The following APAF1 variants were observed in gnomAD, a reference collection of about 807,000 sequenced individuals.
The protein encoded by APAF1 is apoptotic protease-activating factor 1.
Under a neutral mutation model 152.4 loss-of-function variants are expected in APAF1, and 91 were observed. The observed-to-expected ratio is 0.60, with a 90% CI of 0.50 to 0.71. APAF1 has a LOEUF of 0.71. Among genes scored for constraint, APAF1 ranks in the 30% least tolerant of loss-of-function variants. The pLI is 0.00. For missense variants in APAF1, 1,283 were observed against 1,472.0 expected (o/e 0.87, Z 2.10); for synonymous variants, 484 against 494.1 (o/e 0.98, Z 0.27).
intron 25 of APAF1, among the ~76,000 whole-genome samples, 186 bp downstream of exon 25, chr12:98,725,726 TTTAGAG>T (rs2097749514): frequency 6.6e-6 from 1 of 152,320 alleles, no homozygotes; most frequent in South Asian, 2.1e-4. Flanking sequence ...ACGGATTCAT[TTTAGAG>T]TTAGAGTGAA....
intron 16 of APAF1, among the ~76,000 whole-genome samples, chr12:98,688,578 C>G (rs1373851008): frequency 1.3e-5 from 2 of 149,520 alleles, no homozygotes; most frequent in African/African-American, 4.9e-5. Context: ...TCAAGCAGTC[C>G]TCGTACTTCA....
At chr12:98,712,722 C>T in intron 21 of APAF1, 1 of 343,448 alleles carries the variant, frequency 2.9e-6, no homozygotes, top group Non-Finnish European at 5.4e-6. Flanking sequence ...CTGTGTTGCC[C>T]AGGCTGGTCT....
rs2097672115 is a variant in APAF1 at position 98,665,912 on chromosome 12, G to T, written c.1194+121G>T. On this transcript the variant is annotated intron_variant, in intron 8 of 26. Transcript: ENST00000551964. ...AGACCCAGGGGACTGAGGTGGTGGG[G>T]TGTTGGGTGTAGAAATCCCTCTGCT... 7 of 898,230 alleles carry T rather than the reference G, an allele frequency of 7.8e-6. No homozygotes were observed. The Admixed American group carries it at 9.6e-5, about 12-fold the overall frequency. 55.6% of individuals were successfully genotyped at this position (898,230 alleles called of 1,614,324 possible).
intron 24 of APAF1, among the ~76,000 whole-genome samples, chr12:98,724,189 A>G (rs2097747052): frequency 2.6e-5 from 4 of 151,892 alleles, no homozygotes; most frequent in Admixed American, 2.0e-4. Flanking sequence ...TTCTCCTTCT[A>G]CCAGTCTTTC....
At chr12:98,709,259 A>G (rs951731121) in intron 20 of APAF1, among the ~76,000 whole-genome samples, 3 of 152,192 alleles carry the variant, frequency 2.0e-5, no homozygotes, top group East Asian at 1.9e-4. Flanking sequence ...GTATAGTACA[A>G]TTGAAAGAAC....
intron 5 of APAF1, among the ~76,000 whole-genome samples, chr12:98,659,825 TA>T (rs2097662749): frequency 6.6e-6 from 1 of 151,546 alleles, no homozygotes; most frequent in Non-Finnish European, 1.5e-5. Flanking sequence ...CTCTTGTATT[TA>T]AAACGAAAAA....
intron 4 of APAF1, among the ~76,000 whole-genome samples, chr12:98,651,334 A>G (rs2097648676): frequency 6.6e-6 from 1 of 152,134 alleles, no homozygotes; most frequent in Non-Finnish European, 1.5e-5. Context: ...GTTCTTTGTA[A>G]ATGTCTGTGT....
intron 15 of APAF1, among the ~76,000 whole-genome samples, chr12:98,683,671 A>T (rs1412401430): frequency 6.6e-6 from 1 of 152,214 alleles, no homozygotes; most frequent in Non-Finnish European, 1.5e-5. Context: ...ATCTAATTTT[A>T]GAGAAGCCTT....
At chr12:98,723,525 A>G in intron 23 of APAF1, 114 bp from the exon 24 acceptor site, 1 of 1,083,544 alleles carries the variant, frequency 9.2e-7, no homozygotes, top group Non-Finnish European at 1.4e-6. Flanking sequence ...GGGTCAGAAC[A>G]GCCAGTGTAT....
At chr12:98,672,920 G>A (rs927192413) in intron 12 of APAF1, among the ~76,000 whole-genome samples, 35 of 151,300 alleles carry the variant, frequency 2.3e-4, no homozygotes, top group African/African-American at 7.8e-4. Flanking sequence ...ACGCCTGGCC[G>A]ATTTTGTATT....
intron 15 of APAF1, 112 bp from the exon 16 acceptor site, chr12:98,686,636 C>T (rs2097698327): frequency 9.3e-7 from 1 of 1,072,524 alleles, no homozygotes. Context: ...AATTAAACAT[C>T]ATTCTGTAAT....
chr12:98,665,499 A>G, intron 7 of APAF1, 54 bp from the exon 8 acceptor site: 1 of 1,205,834 alleles, frequency 8.3e-7, no homozygotes, highest in South Asian at 1.2e-5. Flanking sequence ...GTCGATTCTT[A>G]TTAGTGACAA....
chr12:98,665,423 T>C (rs2097671438), intron 7 of APAF1, 130 bp from the exon 8 acceptor site: 3 of 746,746 alleles, frequency 4.0e-6, no homozygotes, highest in African/African-American at 3.5e-5. Flanking sequence ...AAGTCAAGAG[T>C]GATAAATACT....
intron 16 of APAF1, among the ~76,000 whole-genome samples, chr12:98,698,254 T>C (rs141029437): frequency 6.2e-4 from 94 of 152,326 alleles, no homozygotes; most frequent in Admixed American, 1.2e-3. Context: ...GGTCTCACTG[T>C]GTTGCCCAGG....
Position 98,648,456 on chromosome 12 carries a change from G to T in APAF1, c.97G>T (p.Gly33Ter). ...SYIMDHMISD[G>*]FLTISEEEKV... ...CATCATGGATCACATGATTAGTGATGGATTTTTAACAATATCAGAAGAGGA... is the reference window on the plus strand; with the variant it reads ...CATCATGGATCACATGATTAGTGATTGATTTTTAACAATATCAGAAGAGGA... Residue 33 changes from glycine to a stop codon, truncating the protein, a stop_gained, in exon 2 of 27, where the codon GGA (glycine) becomes TGA (stop). Transcript: ENST00000551964. LOFTEE classifies it high-confidence loss of function. 6.2e-7 allele frequency: 1 copy of T among 1,613,932 alleles called. No individual in the cohort carries two copies. Among genetic ancestry groups the T allele is most frequent in the Non-Finnish European group, 8.5e-7 (1 of 1,179,940 alleles).
intron 20 of APAF1, among the ~76,000 whole-genome samples, chr12:98,710,425 TGA>T (rs1355862906): frequency 1.3e-5 from 2 of 151,972 alleles, no homozygotes; most frequent in Non-Finnish European, 2.9e-5. Context: ...TGAATGTGTG[TGA>T]GAGAGTGAAA....
At chr12:98,663,620 A>C (rs2097668321) in intron 7 of APAF1, among the ~76,000 whole-genome samples, 1 of 151,836 alleles carries the variant, frequency 6.6e-6, no homozygotes, top group Non-Finnish European at 1.5e-5. Context: ...TATTTCTTTC[A>C]TTATTGTTAT....
At chr12:98,689,377 C>T (rs1246136170) in intron 16 of APAF1, among the ~76,000 whole-genome samples, 16 of 151,934 alleles carry the variant, frequency 1.1e-4, no homozygotes, top group Admixed American at 9.2e-4. Context: ...CCTTCGATTT[C>T]ACTTGCCATA....
At chr12:98,664,417 TAAA>T (rs1198355980) in intron 7 of APAF1, among the ~76,000 whole-genome samples, 1 of 148,858 alleles carries the variant, frequency 6.7e-6, no homozygotes, top group Admixed American at 6.7e-5. Flanking sequence ...TGTGTGAAAC[TAAA>T]AAAAAAATAG....
Sources: gnomAD v4.1 joint callset for allele counts (sites outside exome capture counted in the v4.1 genomes callset) on GRCh38, gnomAD v4.1.1 for gene constraint, MANE v1.5 for transcripts, NCBI Gene and HGNC (gene_info 2026-07-23, HGNC 2026-07-21) for gene names.